SLC24A2: variants seen among roughly 807,000 people sequenced by gnomAD.
SLC24A2 encodes the protein sodium/potassium/calcium exchanger 2.
SLC24A2 carries 36 observed loss-of-function variants against 62.0 expected under a neutral mutation model. The ratio of observed to expected loss-of-function variants is 0.58; its 90% CI spans 0.44 to 0.77. The LOEUF is 0.77. SLC24A2 is among the 30% of genes least tolerant of loss of function. SLC24A2 has a pLI of 0.00. For missense variants in SLC24A2, 846 were observed against 817.9 expected, an observed-to-expected ratio of 1.03 and a Z score of -0.42; for synonymous variants, 358 against 294.0, an observed-to-expected ratio of 1.22 and a Z score of -2.23.
intron 8 of SLC24A2, among the ~76,000 whole-genome samples, chr9:19,529,211 T>G (rs1015079993): frequency 9.9e-5 from 15 of 152,154 alleles, no homozygotes; most frequent in African/African-American, 3.4e-4. Flanking sequence ...TCTAGAGAAA[T>G]GAATTTTAGA....
chr9:20,159,308 C>T, the SLC24A2 span, among the ~76,000 whole-genome samples: 1 of 151,754 alleles, frequency 6.6e-6, no homozygotes, highest in East Asian at 1.9e-4. Flanking sequence ...CACACACATC[C>T]CATCACGATG....
chr9:19,751,264 C>G (rs1330816989), intron 2 of SLC24A2, among the ~76,000 whole-genome samples: 3 of 152,086 alleles, frequency 2.0e-5, no homozygotes, highest in African/African-American at 7.2e-5. Context: ...CACAACAACC[C>G]TAGGAGGCCA....
the SLC24A2 span, among the ~76,000 whole-genome samples, chr9:20,035,346 C>A: frequency 3.3e-5 from 5 of 152,054 alleles, no homozygotes; most frequent in African/African-American, 1.2e-4. Flanking sequence ...GCTATCATTA[C>A]CAGGATTAAT....
the SLC24A2 span, among the ~76,000 whole-genome samples, chr9:20,034,419 A>C: frequency 1.1e-3 from 162 of 149,306 alleles, no homozygotes; most frequent in East Asian, 0.017. Context: ...GCTGGGGAAA[A>C]TGTACTTATT....
At chr9:19,823,343 A>C in the SLC24A2 span, among the ~76,000 whole-genome samples, 2 of 151,698 alleles carry the variant, frequency 1.3e-5, no homozygotes, top group East Asian at 1.9e-4. Flanking sequence ...ACAAACACAT[A>C]ATTTTGAACC....
chr9:19,631,901 T>C (rs1377218678), intron 2 of SLC24A2, among the ~76,000 whole-genome samples: 1 of 152,192 alleles, frequency 6.6e-6, no homozygotes, highest in Non-Finnish European at 1.5e-5. Flanking sequence ...GGACCTGTAC[T>C]ACTAATGGCT....
chr9:20,089,304 G>A, the SLC24A2 span, among the ~76,000 whole-genome samples: 2 of 152,088 alleles, frequency 1.3e-5, no homozygotes, highest in African/African-American at 4.8e-5. Context: ...TCACTGGGGA[G>A]GGCTATCCAA....
In SLC24A2 at chr9:19,699,873, G is replaced by A. The variant is rs189553070; in HGVS notation, c.931-77574C>T. ...TGAAATAAACTAACTGCTCCTGACTGGTTTCAGGACACCAATGACTCAGCC... is the reference window on the plus strand; with the variant it reads ...TGAAATAAACTAACTGCTCCTGACTAGTTTCAGGACACCAATGACTCAGCC... On this transcript the variant is annotated intron_variant, in intron 2 of 10. Transcript: ENST00000341998. 4.9e-4 allele frequency among the ~76,000 whole-genome samples: 74 copies of A among 152,022 alleles called. 1 individual carries two copies. Among genetic ancestry groups the A allele is most frequent in the African/African-American group, 1.5e-3 (62 of 41,468 alleles).
chr9:20,197,059 G>C, the SLC24A2 span, among the ~76,000 whole-genome samples: 1 of 152,104 alleles, frequency 6.6e-6, no homozygotes, highest in African/African-American at 2.4e-5. Flanking sequence ...CATTGGATTA[G>C]GTTGTCTCTG....
At chr9:19,889,533 T>G in the SLC24A2 span, among the ~76,000 whole-genome samples, 1 of 152,204 alleles carries the variant, frequency 6.6e-6, no homozygotes, top group African/African-American at 2.4e-5. Context: ...AGAACGCTTC[T>G]TCCCCTATTG....
At chr9:19,597,367 CAG>C in intron 4 of SLC24A2, 88 bp from the exon 5 acceptor site, 1 of 904,084 alleles carries the variant, frequency 1.1e-6, no homozygotes, top group South Asian at 1.3e-5. Flanking sequence ...TAATCAGATT[CAG>C]AGTTATACTG....
At chr9:19,604,808 T>C (rs1836938435) in intron 4 of SLC24A2, among the ~76,000 whole-genome samples, 1 of 152,214 alleles carries the variant, frequency 6.6e-6, no homozygotes, top group Non-Finnish European at 1.5e-5. Context: ...AAATCCTCCT[T>C]ACAATGATAT....
the SLC24A2 span, among the ~76,000 whole-genome samples, chr9:20,191,587 TA>T: frequency 6.6e-6 from 1 of 151,532 alleles, no homozygotes; most frequent in African/African-American, 2.4e-5. Flanking sequence ...GGCATATATC[TA>T]AAAAAATTAT....
chr9:20,170,475 T>A, the SLC24A2 span, among the ~76,000 whole-genome samples: 1 of 152,018 alleles, frequency 6.6e-6, no homozygotes, highest in Non-Finnish European at 1.5e-5. Flanking sequence ...CTTGAAAATA[T>A]TTTTCTAAAC....
At chr9:20,054,130 G>T in the SLC24A2 span, among the ~76,000 whole-genome samples, 2 of 151,736 alleles carry the variant, frequency 1.3e-5, no homozygotes, top group Admixed American at 6.6e-5. Flanking sequence ...GCATGGAAAA[G>T]TTCTTTAATG....
the SLC24A2 span, among the ~76,000 whole-genome samples, chr9:19,949,676 T>C: frequency 6.6e-6 from 1 of 152,214 alleles, no homozygotes; most frequent in African/African-American, 2.4e-5. Flanking sequence ...AAGGGTCATG[T>C]CCTCAAAAGG....
intron 2 of SLC24A2, among the ~76,000 whole-genome samples, chr9:19,742,987 A>G (rs1821723449): frequency 6.6e-6 from 1 of 152,126 alleles, no homozygotes; most frequent in South Asian, 2.1e-4. Context: ...GGGAATTTCC[A>G]ATTAAAAGTA....
chr9:20,033,185 T>C, the SLC24A2 span, among the ~76,000 whole-genome samples: 1 of 152,200 alleles, frequency 6.6e-6, no homozygotes, highest in South Asian at 2.1e-4. Flanking sequence ...AAATCCCTCA[T>C]ACCTGGTGTT....
the SLC24A2 span, among the ~76,000 whole-genome samples, chr9:19,989,898 G>C: frequency 6.6e-6 from 1 of 152,144 alleles, no homozygotes; most frequent in South Asian, 2.1e-4. Flanking sequence ...ACTATGCAGA[G>C]AGGGAATGGA....
Sources: gnomAD v4.1 joint callset for allele counts (sites outside exome capture counted in the v4.1 genomes callset) on GRCh38, gnomAD v4.1.1 for gene constraint, MANE v1.5 for transcripts, NCBI Gene and HGNC (gene_info 2026-07-23, HGNC 2026-07-21) for gene names.